Variants in RBMS3 observed in about 807,000 individuals in gnomAD.
The protein encoded by RBMS3 is RNA-binding motif, single-stranded-interacting protein 3.
Under a neutral mutation model 66.8 loss-of-function variants are expected in RBMS3, and 27 were observed. The observed-to-expected ratio is 0.40, with a 90% confidence interval of 0.30 to 0.56. The LOEUF is 0.56. RBMS3 is among the 20% of genes least tolerant of loss of function. The probability of loss-of-function intolerance (pLI) is 0.40; values close to 1 mark genes in which losing one functional copy is unlikely to be tolerated. For missense variants in RBMS3, 513 were observed against 549.5 expected, an observed-to-expected ratio of 0.93 and a Z score of 0.66; for synonymous variants, 188 against 183.0, an observed-to-expected ratio of 1.03 and a Z score of -0.22.
At chr3:29,607,330 G>A (rs2048348372) in intron 4 of RBMS3, among the ~76,000 whole-genome samples, 1 of 151,906 alleles carries the variant, frequency 6.6e-6, no homozygotes, top group Non-Finnish European at 1.5e-5. Context: ...TTTGGAGGCT[G>A]GGAAGTCCAA....
chr3:29,354,796 G>A (rs983440800), intron 1 of RBMS3, among the ~76,000 whole-genome samples: 7 of 152,116 alleles, frequency 4.6e-5, no homozygotes, highest in Non-Finnish European at 8.8e-5. Context: ...TTTAGGCAAT[G>A]CCAGTGTTGG....
At chr3:29,600,788 G>A (rs760232452) in intron 4 of RBMS3, among the ~76,000 whole-genome samples, 1 of 152,000 alleles carries the variant, frequency 6.6e-6, no homozygotes, top group Non-Finnish European at 1.5e-5. Context: ...GGGAAAAATG[G>A]TCATAGTAAA....
chr3:29,907,867 AT>A (rs2060418259), intron 10 of RBMS3, among the ~76,000 whole-genome samples: 1 of 152,064 alleles, frequency 6.6e-6, no homozygotes, highest in African/African-American at 2.4e-5. Flanking sequence ...AGATGCATTT[AT>A]TTTACCAAAT....
At chr3:29,505,042 G>T (rs928851238) in intron 3 of RBMS3, among the ~76,000 whole-genome samples, 2 of 151,872 alleles carry the variant, frequency 1.3e-5, no homozygotes, top group African/African-American at 2.4e-5. Flanking sequence ...TGTTTCCTTG[G>T]CTGTGTTTTT....
At chr3:29,605,912 G>A (rs1252690889) in intron 4 of RBMS3, among the ~76,000 whole-genome samples, 1 of 150,844 alleles carries the variant, frequency 6.6e-6, no homozygotes, top group African/African-American at 2.4e-5. Context: ...ACCTTAGTAT[G>A]TGGTTTTCTT....
intron 6 of RBMS3, among the ~76,000 whole-genome samples, chr3:29,862,061 C>T (rs543456999): frequency 2.0e-5 from 3 of 152,300 alleles, no homozygotes; most frequent in African/African-American, 7.2e-5. Context: ...AAGCAATATA[C>T]TATTTCTGTG....
chr3:29,807,034 T>C (rs1056843329), intron 6 of RBMS3, among the ~76,000 whole-genome samples: 3 of 151,936 alleles, frequency 2.0e-5, no homozygotes, highest in Non-Finnish European at 2.9e-5. Context: ...ATCTGTAAGA[T>C]GGTTGCCTGT....
At chr3:29,699,023 T>C (rs1437258184) in intron 4 of RBMS3, among the ~76,000 whole-genome samples, 1 of 152,186 alleles carries the variant, frequency 6.6e-6, no homozygotes, top group East Asian at 1.9e-4. Context: ...TACTTCACAG[T>C]TTAATAAACC....
chr3:29,917,909 C>T (rs1054292515), intron 10 of RBMS3, among the ~76,000 whole-genome samples: 3 of 152,096 alleles, frequency 2.0e-5, no homozygotes, highest in African/African-American at 7.2e-5. Flanking sequence ...GGAATAATGT[C>T]CTCCTTATTC....
intron 12 of RBMS3, among the ~76,000 whole-genome samples, chr3:29,948,711 C>T (rs563421044): frequency 1.6e-4 from 25 of 151,848 alleles, no homozygotes; most frequent in African/African-American, 5.5e-4. Flanking sequence ...GCTCAAATAC[C>T]GTGCATTTAT....
intron 4 of RBMS3, among the ~76,000 whole-genome samples, chr3:29,717,657 G>A (rs547332426): frequency 1.2e-4 from 18 of 152,134 alleles, no homozygotes; most frequent in Admixed American, 7.9e-4. Context: ...TAATGAAGCC[G>A]TTGATCCATT....
chr3:29,778,770 G>A (rs967579229), intron 6 of RBMS3, among the ~76,000 whole-genome samples: 12 of 151,858 alleles, frequency 7.9e-5, no homozygotes, highest in African/African-American at 2.7e-4. Context: ...AGTGTTGCAA[G>A]ATTGGCTATG....
chr3:29,648,057 A>G (rs2050001813), intron 4 of RBMS3, among the ~76,000 whole-genome samples: 1 of 152,084 alleles, frequency 6.6e-6, no homozygotes, highest in African/African-American at 2.4e-5. Context: ...ACCACATAAA[A>G]CATATAACAA....
At chr3:29,857,833 TCATAGTAGTGGAGAGGAA>T (rs1252949604) in intron 6 of RBMS3, among the ~76,000 whole-genome samples, 3 of 152,102 alleles carry the variant, frequency 2.0e-5, no homozygotes, top group Non-Finnish European at 4.4e-5. Context: ...AATCAAATTC[TCATAGTAGTGGAGAGGAA>T]CATGGGAATG....
At chr3:29,851,116 C>T (rs1456182552) in intron 6 of RBMS3, among the ~76,000 whole-genome samples, 2 of 152,084 alleles carry the variant, frequency 1.3e-5, no homozygotes, top group East Asian at 3.9e-4. Flanking sequence ...CTTACATTAC[C>T]TTATCTTTTT....
chr3:29,777,753 G>A (rs896199150), intron 6 of RBMS3, among the ~76,000 whole-genome samples: 41 of 151,780 alleles, frequency 2.7e-4, no homozygotes, highest in Admixed American at 2.6e-3. Context: ...TAAATGCGTT[G>A]GAATACCAAA....
intron 6 of RBMS3, among the ~76,000 whole-genome samples, chr3:29,828,995 TTTCTTTCTTTCTTTCTTTCTTTC>T (rs2058285116): frequency 2.0e-5 from 1 of 49,888 alleles, no homozygotes; most frequent in African/African-American, 7.5e-5. Flanking sequence ...TCTTTCTTTC[TTTCTTTCTTTCTTTCTTTCTTTC>T]TTTCTTTCTT....
At chr3:29,381,916 A>G (rs2038779407) in intron 1 of RBMS3, among the ~76,000 whole-genome samples, 1 of 152,190 alleles carries the variant, frequency 6.6e-6, no homozygotes, top group African/African-American at 2.4e-5. Context: ...TAGCATAGGA[A>G]CAGCTTCTAT....
chr3:29,365,740 G>T (rs1480924901), intron 1 of RBMS3, among the ~76,000 whole-genome samples: 1 of 152,132 alleles, frequency 6.6e-6, no homozygotes, highest in Non-Finnish European at 1.5e-5. Flanking sequence ...TTAGGTACAT[G>T]CAAATGTCTA....
Sources: allele counts gnomAD v4.1 joint callset (sites outside exome capture counted in the v4.1 genomes callset), GRCh38; gene constraint gnomAD v4.1.1; transcripts MANE v1.5; gene names NCBI Gene and HGNC (gene_info 2026-07-23, HGNC 2026-07-21).